Variants in TRRAP observed in about 807,000 individuals in gnomAD.
TRRAP encodes the protein transformation/transcription domain associated protein.
In TRRAP, 41 loss-of-function variants were observed where a neutral mutation model predicts 438.8. That is an observed-to-expected ratio of 0.09 (90% CI 0.07 to 0.12). The LOEUF (loss-of-function observed/expected upper bound fraction) is 0.12, where lower values mean the gene tolerates loss of function less well. Among genes scored for constraint, TRRAP ranks in the 10% least tolerant of loss-of-function variants. The pLI, the probability that TRRAP is intolerant of heterozygous loss-of-function variation, is 1.00. For synonymous variants in TRRAP, 1,994 were observed against 1,962.9 expected (o/e 1.02, Z -0.42); for missense variants, 3,122 against 5,055.1 (o/e 0.62, Z 11.60).
intron 41 of TRRAP, 88 bp downstream of exon 41, chr7:98,955,392 G>A: frequency 7.3e-7 from 1 of 1,371,408 alleles, no homozygotes; most frequent in East Asian, 2.5e-5. Flanking sequence ...CAATAATCAG[G>A]TGGTCGTTCA....
Position 99,011,414 on chromosome 7 carries a change from G to A in TRRAP, c.11216G>A (p.Arg3739His). The A allele has an allele frequency of 1.9e-6, 3 of 1,614,240 alleles. No homozygotes were observed. Among genetic ancestry groups the A allele is most frequent in the Non-Finnish European group, 2.5e-6 (3 of 1,180,046 alleles). Reference protein sequence around the residue: ...NDATGDLDANRPVPFRLTPNI... With the variant: ...NDATGDLDANHPVPFRLTPNI... ...GCGACTGGAGACCTGGATGCCAACC[G>A]TCCTGTCCCATTTCGACTCACGCCC... The change falls in exon 72 of 73, where the codon CGT becomes CAT. Residue 3739 changes from arginine to histidine, a missense_variant. Arg to His is a conservative substitution (Grantham distance 29). This residue lies in a region of TRRAP where 192 missense variants were observed against 355.6 expected (regional missense o/e 0.54). Transcript: ENST00000456197. The surrounding 1 kb of genome is among the most constrained non-coding windows in gnomAD (Gnocchi z 7.1).
chr7:99,000,072 A>C (rs1793845633), intron 67 of TRRAP: 1 of 156,540 alleles, frequency 6.4e-6, no homozygotes. Context: ...CAGTGGCGTG[A>C]TCTCAGCTCA....
chr7:98,919,794 A>C (rs556847086), intron 20 of TRRAP, among the ~76,000 whole-genome samples: 2 of 152,186 alleles, frequency 1.3e-5, no homozygotes, highest in Non-Finnish European at 2.9e-5. Context: ...CTTACCATCC[A>C]TGAGGCAGAT....
chr7:98,912,336 A>C (rs1789310465), intron 18 of TRRAP, 123 bp downstream of exon 18: 4 of 987,162 alleles, frequency 4.1e-6, no homozygotes, highest in African/African-American at 1.7e-5. Context: ...ACCTGCCTTG[A>C]TCTCCCCAGT....
intron 28 of TRRAP, 93 bp downstream of exon 28, chr7:98,935,768 A>G: frequency 1.1e-6 from 1 of 945,404 alleles, no homozygotes; most frequent in South Asian, 2.4e-5. Flanking sequence ...GTTGTTGTCT[A>G]ATTTTTATGA....
chr7:98,929,688 G>GGTT (rs1453210122), intron 23 of TRRAP, among the ~76,000 whole-genome samples: 5 of 151,768 alleles, frequency 3.3e-5, no homozygotes, highest in Non-Finnish European at 7.4e-5. Context: ...CCGTCTCCTG[G>GGTT]GTTCAAGTGA....
intron 3 of TRRAP, among the ~76,000 whole-genome samples, chr7:98,886,929 G>A (rs782220070): frequency 2.6e-5 from 4 of 152,096 alleles, no homozygotes; most frequent in Non-Finnish European, 2.9e-5. Flanking sequence ...TAGAGACAAC[G>A]TCTTGCTATG....
rs911914792 is a variant in TRRAP at position 98,945,964 on chromosome 7, C to T, written c.4548+14C>T. On this transcript the variant is annotated intron_variant, in intron 33 of 72. Transcript: ENST00000456197. ...GAAGGGGTAGAGGTGAGAACTTGAG[C>T]GGAGCTACAGGAGGGGGTTGTTGTC... 8 of 1,447,876 alleles carry T rather than the reference C, an allele frequency of 5.5e-6. No individual in the cohort carries two copies. In the East Asian group the frequency reaches 8.1e-5, roughly 15 times the overall value. The allele number at this position is 1,447,876 out of a possible 1,614,324, so 89.7% of individuals were successfully genotyped here.
At chr7:99,008,900 C>A in intron 70 of TRRAP, among the ~76,000 whole-genome samples, 1 of 152,250 alleles carries the variant, frequency 6.6e-6, no homozygotes, top group East Asian at 1.9e-4. Context: ...CACACCTGAT[C>A]TGAGGTGATG....
At chr7:98,897,158 C>T (rs2116331876) in intron 7 of TRRAP, among the ~76,000 whole-genome samples, 1 of 152,216 alleles carries the variant, frequency 6.6e-6, no homozygotes, top group Admixed American at 6.5e-5. Context: ...TCACTTGAAC[C>T]CGGGAGGTGG....
Position 98,945,958 on chromosome 7 carries a change from C to T in TRRAP, c.4548+8C>T. 6.9e-7 allele frequency: 1 copy of T among 1,458,588 alleles called. No individual in the cohort carries two copies. The highest frequency in any genetic ancestry group is 9.0e-7 in the Non-Finnish European group (1 of 1,105,282). 90.4% of individuals were successfully genotyped at this position (1,458,588 alleles called of 1,614,324 possible). A position where few individuals can be genotyped will look rare whatever the true frequency, so the allele number is the denominator to read the frequency against. On this transcript the variant is annotated splice_region_variant and intron_variant, in intron 33 of 72. Coordinates refer to ENST00000456197, the MANE Select transcript of TRRAP (RefSeq NM_001375524.1). The stretch of plus-strand genomic sequence containing the variant: ...GCCATGGAAGGGGTAGAGGTGAGAA[C>T]TTGAGCGGAGCTACAGGAGGGGGTT...
intron 5 of TRRAP, 73 bp from the exon 6 acceptor site, chr7:98,893,725 A>G: frequency 7.5e-7 from 1 of 1,334,398 alleles, no homozygotes; most frequent in Non-Finnish European, 1.1e-6. Flanking sequence ...GTGTGTGTGC[A>G]GAAACTGCTG....
rs200764290 is a variant in TRRAP at position 98,970,333 on chromosome 7, T to C, written c.7692+42T>C. 4.0e-5 allele frequency: 64 copies of C among 1,597,382 alleles called. No homozygotes were observed. The African/African-American group carries it at 8.6e-4, about 21-fold the overall frequency. The stretch of plus-strand genomic sequence containing the variant: ...CACAGGCAGAATCCCAGAGAGGAGG[T>C]GAGGCCCCACACCCCACGGGCAGAA... On this transcript the variant is annotated intron_variant, in intron 52 of 72. Coordinates refer to ENST00000456197, the MANE Select transcript of TRRAP (RefSeq NM_001375524.1).
chr7:98,912,966 A>G (rs193273973), intron 18 of TRRAP, among the ~76,000 whole-genome samples: 1 of 152,216 alleles, frequency 6.6e-6, no homozygotes, highest in African/African-American at 2.4e-5. Flanking sequence ...GCAGTGAGGC[A>G]TGATTTGATT....
chr7:98,983,151 A>G, intron 59 of TRRAP, 113 bp from the exon 60 acceptor site: 1 of 995,222 alleles, frequency 1.0e-6, no homozygotes, highest in Non-Finnish European at 1.5e-6. Context: ...TTCCTTTGGT[A>G]ATTGCATCAT....
intron 3 of TRRAP, among the ~76,000 whole-genome samples, chr7:98,886,023 G>A (rs1472827657): frequency 6.6e-6 from 1 of 152,214 alleles, no homozygotes; most frequent in Non-Finnish European, 1.5e-5. Context: ...GGTGGCTGAC[G>A]CCTGTAATCC....
Position 98,994,039 on chromosome 7 carries a change from G to A in TRRAP, c.10047+302G>A, listed in dbSNP as rs1793538516. On this transcript the variant is annotated intron_variant, in intron 66 of 72. Coordinates refer to ENST00000456197, the MANE Select transcript of TRRAP (RefSeq NM_001375524.1). The surrounding 1 kb of genome is among the most constrained non-coding windows in gnomAD (Gnocchi z 4.8). Reference sequence around the variant, plus strand: ...GCCACTGTTAACCAGGTGTGAGCAGGAGCAGTGGCATGAGTAACAGGGTTA... The same window carrying A: ...GCCACTGTTAACCAGGTGTGAGCAGAAGCAGTGGCATGAGTAACAGGGTTA... 6.6e-6 allele frequency among the ~76,000 whole-genome samples: 1 copy of A among 152,188 alleles called. No individual in the cohort carries two copies. The highest frequency in any genetic ancestry group is 1.5e-5 in the Non-Finnish European group (1 of 68,032).
chr7:98,967,062 T>A lies in TRRAP; in HGVS notation c.7198T>A (p.Ser2400Thr). The A allele has an allele frequency of 6.2e-7, 1 of 1,613,828 alleles. No homozygotes were observed. Residue 2400 changes from serine to threonine, a missense_variant, in exon 50 of 73, where the codon TCC (serine) becomes ACC (threonine). This residue lies in a region of TRRAP where 992 missense variants were observed against 1,281.2 expected (regional missense o/e 0.77). Transcript: ENST00000456197. ...ANQTPTLREK[S>T]ILLVKMMTYI... Reference sequence around the variant, plus strand: ...ACAGACACCTACACTCCGGGAGAAGTCCATTTTGCTTGTGAAGATGATGAC... The same window carrying A: ...ACAGACACCTACACTCCGGGAGAAGACCATTTTGCTTGTGAAGATGATGAC...
intron 3 of TRRAP, among the ~76,000 whole-genome samples, 175 bp downstream of exon 3, chr7:98,882,199 ACG>A (rs1795474560): frequency 1.3e-5 from 2 of 152,138 alleles, no homozygotes; most frequent in Non-Finnish European, 2.9e-5. Flanking sequence ...TTCCATCTTC[ACG>A]CTGGTGATAG....
Sources: gnomAD v4.1 joint callset for allele counts (sites outside exome capture counted in the v4.1 genomes callset) on GRCh38, gnomAD v4.1.1 for gene constraint, gnomAD v4.1.1 regional missense constraint, Gnocchi (gnomAD v3.1) non-coding constraint, MANE v1.5 for transcripts, NCBI Gene and HGNC (gene_info 2026-07-23, HGNC 2026-07-21) for gene names.